ANKRD24: variants seen among roughly 807,000 people sequenced by gnomAD.
ANKRD24 encodes the protein ankyrin repeat domain-containing protein 24.
Under a neutral mutation model 127.8 loss-of-function variants are expected in ANKRD24, and 109 were observed. The ratio of observed to expected loss-of-function variants is 0.85; its 90% CI spans 0.73 to 1.00. ANKRD24 has a LOEUF of 1.00. Ranked by LOEUF, ANKRD24 falls within the 50% of genes least tolerant of loss-of-function variation. The pLI is 0.00. For synonymous variants in ANKRD24, 743 were observed against 671.1 expected (o/e 1.11, Z -1.66); for missense variants, 1,648 against 1,570.2 (o/e 1.05, Z -0.84).
In ANKRD24 at chr19:4,217,407, G is replaced by C. The variant is rs772827637; in HGVS notation, c.2247G>C (p.Ala749=). ...GGGAGGCAGCTGCGGAGCTGGAGGC[G>C]GCCCTGGGGAAGTGCGAGGCCGCGG... ...REREAAAELE[A]ALGKCEAAEA... The change falls in exon 18 of 22, where the codon GCG becomes GCC. Residue 749 remains alanine (A), a synonymous_variant. Transcript: ENST00000318934. 3.5e-5 allele frequency: 54 copies of C among 1,549,378 alleles called. No individual in the cohort carries two copies. Among genetic ancestry groups the C allele is most frequent in the Non-Finnish European group, 4.7e-5 (54 of 1,146,648 alleles).
In ANKRD24 at chr19:4,217,885, C is replaced by T. The variant is rs1970207343; in HGVS notation, c.2725C>T (p.Leu909Phe). Residue 909 changes from leucine to phenylalanine, a missense_variant, in exon 18 of 22, where the codon CTC becomes TTC. Physicochemically the swap from Leu to Phe is conservative, Grantham distance 22 (BLOSUM62 0). Coordinates refer to ENST00000318934, the MANE Select transcript of ANKRD24 (RefSeq NM_001393985.1). Reference sequence around the variant, plus strand: ...CGAGCTGCGGGAGGCCTCCGAGGCCCTCCGCCAGTCCGTGGTGCCGGCCTC... The same window carrying T: ...CGAGCTGCGGGAGGCCTCCGAGGCCTTCCGCCAGTCCGTGGTGCCGGCCTC... ...LAELREASEALRQSVVPASEH... is the reference protein window; with the variant it reads ...LAELREASEAFRQSVVPASEH... The T allele has an allele frequency of 1.4e-6, 2 of 1,471,772 alleles. No individual in the cohort carries two copies. The highest frequency in any genetic ancestry group is 1.8e-6 in the Non-Finnish European group (2 of 1,118,942). 91.2% of individuals were successfully genotyped at this position (1,471,772 alleles called of 1,614,324 possible).
At chr19:4,207,381 T>C in intron 8 of ANKRD24, 69 bp downstream of exon 8, 1 of 1,579,726 alleles carries the variant, frequency 6.3e-7, no homozygotes. Context: ...TGGCAGTATC[T>C]CAGGCACCCT....
At chr19:4,221,053 G>A (rs554282050) in intron 19 of ANKRD24, among the ~76,000 whole-genome samples, 1 of 151,830 alleles carries the variant, frequency 6.6e-6, no homozygotes, top group African/African-American at 2.4e-5. Flanking sequence ...ACAGGTGTGT[G>A]CCATCATGCC....
intron 1 of ANKRD24, chr19:4,183,457 TG>T: frequency 1.6e-6 from 1 of 617,388 alleles, no homozygotes; most frequent in Non-Finnish European, 2.0e-6. Context: ...TGGCTGCGGG[TG>T]GACACAAACA....
intron 1 of ANKRD24, 85 bp downstream of exon 1, chr19:4,182,825 C>T: frequency 1.2e-6 from 1 of 827,678 alleles, no homozygotes; most frequent in Non-Finnish European, 1.5e-6. Flanking sequence ...CTCCAGTCAC[C>T]TCTAAAATGC....
At chr19:4,184,969 CTGGTGGGTGGGTGGGTGGATGGATGGAT>C (rs1967974671) in intron 1 of ANKRD24, among the ~76,000 whole-genome samples, 1 of 53,236 alleles carries the variant, frequency 1.9e-5, no homozygotes, top group Admixed American at 2.7e-4. Context: ...GATGGATGCA[CTGGTGGGTGGGTGGGTGGATGGATGGAT>C]TGGTGGTTGG....
At chr19:4,203,285 G>A (rs1016493695) in intron 7 of ANKRD24, among the ~76,000 whole-genome samples, 6 of 152,088 alleles carry the variant, frequency 3.9e-5, no homozygotes, top group African/African-American at 9.7e-5. Flanking sequence ...CTGACCTCAG[G>A]TGATCCACCC....
intron 5 of ANKRD24, among the ~76,000 whole-genome samples, chr19:4,200,735 C>T (rs958648806): frequency 3.9e-5 from 6 of 151,986 alleles, no homozygotes; most frequent in East Asian, 1.9e-4. Flanking sequence ...TTGCCCAGGC[C>T]GGTCTTGAAC....
intron 19 of ANKRD24, among the ~76,000 whole-genome samples, chr19:4,221,085 T>C (rs1182593014): frequency 6.6e-6 from 1 of 151,672 alleles, no homozygotes; most frequent in African/African-American, 2.4e-5. Flanking sequence ...TTTGTTTCTT[T>C]CTTTTTTTTT....
At chr19:4,210,966 T>A (rs1182392396) in intron 13 of ANKRD24, among the ~76,000 whole-genome samples, 1 of 152,072 alleles carries the variant, frequency 6.6e-6, no homozygotes, top group Admixed American at 6.6e-5. Flanking sequence ...CCCAAGCAGC[T>A]GGGATTACAG....
intron 19 of ANKRD24, among the ~76,000 whole-genome samples, chr19:4,220,175 G>T (rs762006094): frequency 2.0e-5 from 3 of 152,072 alleles, no homozygotes; most frequent in Non-Finnish European, 4.4e-5. Flanking sequence ...GTTTCGTCAC[G>T]TTGGCCAGGC....
Position 4,216,736 on chromosome 19 carries a change from T to C in ANKRD24, c.1576T>C (p.Cys526Arg). 1.3e-6 allele frequency: 2 copies of C among 1,578,578 alleles called. No individual in the cohort carries two copies. Among genetic ancestry groups the C allele is most frequent in the Non-Finnish European group, 1.7e-6 (2 of 1,162,854 alleles). Reference sequence around the variant, plus strand: ...GGTCCCCAGAGAAGAGGGGGCAGCCTGTGGGGAGAGTGAGGTTGCTGGAGC... The same window carrying C: ...GGTCCCCAGAGAAGAGGGGGCAGCCCGTGGGGAGAGTGAGGTTGCTGGAGC... ...REVPREEGAA[C>R]GESEVAGATA... Residue 526 changes from cysteine (C) to arginine (R), a missense_variant, in exon 18 of 22, where the codon TGT (cysteine) becomes CGT (arginine). By Grantham distance (180) the Cys-to-Arg change is radical. Transcript: ENST00000318934.
At chr19:4,212,426 G>C in intron 13 of ANKRD24, 49 bp from the exon 14 acceptor site, 1 of 1,558,014 alleles carries the variant, frequency 6.4e-7, no homozygotes, top group Non-Finnish European at 8.7e-7. Flanking sequence ...GGTGGGGCAG[G>C]GAGGCCTCTT....
intron 19 of ANKRD24, among the ~76,000 whole-genome samples, chr19:4,221,952 G>C (rs1308824058): frequency 6.6e-6 from 1 of 152,166 alleles, no homozygotes; most frequent in East Asian, 1.9e-4. Context: ...ACAACACCCA[G>C]TGTCCCCTTG....
rs1323650139 is a variant in ANKRD24, at chr19:4,198,657, G to A, written c.37-1026G>A. On this transcript the variant is annotated intron_variant, in intron 2 of 21. Coordinates refer to ENST00000318934, the MANE Select transcript of ANKRD24 (RefSeq NM_001393985.1). This position sits in a 1 kb window ranked among gnomAD's most constrained non-coding sequence, Gnocchi z 6.1. ...AGACCCGGGAAAGATGGTCGGCGGC[G>A]GGGGGTGGGGGGGAACAGAGGTTGG... 2 of 399,804 alleles carry A rather than the reference G, an allele frequency of 5.0e-6. No individual in the cohort carries two copies. Among genetic ancestry groups the A allele is most frequent in the Non-Finnish European group, 4.4e-6 (1 of 226,484 alleles). The allele number at this position is 399,804 out of a possible 1,614,324, so 24.8% of individuals were successfully genotyped here. A position where few individuals can be genotyped will look rare whatever the true frequency, so the allele number is the denominator to read the frequency against.
intron 20 of ANKRD24, among the ~76,000 whole-genome samples, chr19:4,223,848 G>A (rs930323452): frequency 6.6e-6 from 1 of 152,038 alleles, no homozygotes; most frequent in Admixed American, 6.6e-5. Flanking sequence ...ACAGGTGTGA[G>A]CCACTGCACC....
chr19:4,206,450 T>C (rs917905407), intron 7 of ANKRD24, among the ~76,000 whole-genome samples: 15 of 151,230 alleles, frequency 9.9e-5, no homozygotes, highest in Non-Finnish European at 2.1e-4. Context: ...ACCCTGTCTC[T>C]AAAAAAATAA....
intron 13 of ANKRD24, among the ~76,000 whole-genome samples, chr19:4,211,835 G>A (rs1242463816): frequency 6.6e-6 from 1 of 152,080 alleles, no homozygotes; most frequent in Non-Finnish European, 1.5e-5. Context: ...GTGCATGCTG[G>A]CACACAGTAG....
At chr19:4,221,369 GT>G (rs202157475) in intron 19 of ANKRD24, among the ~76,000 whole-genome samples, 16 of 148,902 alleles carry the variant, frequency 1.1e-4, no homozygotes, top group South Asian at 4.3e-4. Context: ...TGCCTGGCCT[GT>G]TTTTTTTTGC....
Sources: allele counts gnomAD v4.1 joint callset (sites outside exome capture counted in the v4.1 genomes callset), GRCh38; gene constraint gnomAD v4.1.1; non-coding constraint Gnocchi (gnomAD v3.1); transcripts MANE v1.5; gene names NCBI Gene and HGNC (gene_info 2026-07-23, HGNC 2026-07-21).